The following ZFHX2 variants were observed in gnomAD, a reference collection of about 807,000 sequenced individuals.
The protein encoded by ZFHX2 is zinc finger homeobox protein 2.
In ZFHX2, 75 loss-of-function variants were observed where a neutral mutation model predicts 164.8. The ratio of observed to expected loss-of-function variants is 0.46; its 90% CI spans 0.38 to 0.55. ZFHX2 has a LOEUF of 0.55. ZFHX2 is among the 20% of genes least tolerant of loss of function. ZFHX2 has a pLI of 0.00. For missense variants in ZFHX2, 2,933 were observed against 3,308.0 expected, an observed-to-expected ratio of 0.89 and a Z score of 2.78; for synonymous variants, 1,217 against 1,351.4, an observed-to-expected ratio of 0.90 and a Z score of 2.18.
intron 1 of ZFHX2, among the ~76,000 whole-genome samples, chr14:23,537,658 G>T (rs1276562609): frequency 3.3e-5 from 5 of 152,180 alleles, no homozygotes; most frequent in Non-Finnish European, 7.4e-5. Flanking sequence ...GGTCGGGGGA[G>T]TTGGAGAACC....
At chr14:23,532,362 C>T (rs765700867) in intron 3 of ZFHX2, 9 of 584,218 alleles carry the variant, frequency 1.5e-5, no homozygotes, top group Non-Finnish European at 2.1e-5. Flanking sequence ...AAGTCTGTTT[C>T]ACTTGTCAGA....
At chr14:23,545,027 A>C (rs1881243215) in intron 1 of ZFHX2, among the ~76,000 whole-genome samples, 8 of 146,226 alleles carry the variant, frequency 5.5e-5, no homozygotes, top group South Asian at 2.2e-4. Context: ...TTCACTCATC[A>C]CCCTCCCTTT....
chr14:23,524,247 G>A lies in ZFHX2; in HGVS notation c.5695C>T (p.Arg1899Ter), dbSNP rs1423751570. The A allele has an allele frequency of 5.9e-6, 9 of 1,536,420 alleles. No homozygotes were observed. Among genetic ancestry groups the A allele is most frequent in the South Asian group, 1.2e-5 (1 of 84,068 alleles). ...CISEEVGLKK[R>*]VVQVWFQNTR... ...TTCTGGAACCAGACCTGTACCACTCGCTTTTTGAGCCCCACCTCCTCGGAG... is the reference window on the plus strand; with the variant it reads ...TTCTGGAACCAGACCTGTACCACTCACTTTTTGAGCCCCACCTCCTCGGAG... The change falls in exon 9 of 10, where the codon CGA becomes TGA. Residue 1899 changes from arginine (R) to a stop codon, truncating the protein, a stop_gained. Coordinates refer to ENST00000419474, the MANE Select transcript of ZFHX2 (RefSeq NM_033400.3). LOFTEE classifies it high-confidence loss of function. This position sits in a 1 kb window ranked among gnomAD's most constrained non-coding sequence, Gnocchi z 5.6.
rs938859339 is a variant in ZFHX2, at chr14:23,530,969, C to T, written c.2800+512G>A. On this transcript the variant is annotated intron_variant, in intron 4 of 9. Transcript: ENST00000419474. ...CTGTTCCCGGCCTCTGCTGGTACAA[C>T]CTCAGCTGCCTAAGGGTGACTCTAA... 4 of 170,982 alleles carry T rather than the reference C, an allele frequency of 2.3e-5. No homozygotes were observed. The South Asian group carries it at 4.5e-4, about 19-fold the overall frequency. The allele number at this position is 170,982 out of a possible 1,614,324, so 10.6% of individuals were successfully genotyped here. A position where few individuals can be genotyped will look rare whatever the true frequency, so the allele number is the denominator to read the frequency against.
chr14:23,539,545 A>G (rs1310194303), intron 1 of ZFHX2, among the ~76,000 whole-genome samples: 2 of 152,332 alleles, frequency 1.3e-5, no homozygotes, highest in Admixed American at 1.3e-4. Context: ...TAAGGACCGG[A>G]GAATTACAAG....
Position 23,523,660 on chromosome 14 carries a change from C to T in ZFHX2, c.6282G>A (p.Glu2094=), listed in dbSNP as rs1178925480. ...CAATCTCCTCTCCCAGCACCTCACA[C>T]TCCTGCATGGTGGGGGTGCGGTAAG... ...YEAYRTPTMQ[E]CEVLGEEIGL... Residue 2094 remains glutamate, a synonymous_variant, in exon 9 of 10, where the codon GAG becomes GAA. Transcript: ENST00000419474. This position sits in a 1 kb window ranked among gnomAD's most constrained non-coding sequence, Gnocchi z 4.1. 2 of 1,544,472 alleles carry T rather than the reference C, an allele frequency of 1.3e-6. No individual in the cohort carries two copies. The highest frequency in any genetic ancestry group is 4.8e-5 in the East Asian group (2 of 41,856).
chr14:23,521,807 G>C lies in ZFHX2; in HGVS notation c.*155C>G. Reference sequence around the variant, plus strand: ...GAGGCAGGACTCTGCTGGAAGTGGGGTGTGTGGTGCCCACTGAGGGTGGGA... The same window carrying C: ...GAGGCAGGACTCTGCTGGAAGTGGGCTGTGTGGTGCCCACTGAGGGTGGGA... On this transcript the variant is annotated 3_prime_UTR_variant, in exon 10 of 10. Coordinates refer to ENST00000419474, the MANE Select transcript of ZFHX2 (RefSeq NM_033400.3). 2.3e-6 allele frequency: 3 copies of C among 1,313,622 alleles called. No individual in the cohort carries two copies. The highest frequency in any genetic ancestry group is 3.1e-5 in the South Asian group (2 of 64,896). The allele number at this position is 1,313,622 out of a possible 1,614,324, so 81.4% of individuals were successfully genotyped here.
upstream of ZFHX2, among the ~76,000 whole-genome samples, chr14:23,554,673 T>A (rs1882213298): frequency 6.6e-6 from 1 of 151,068 alleles, no homozygotes; most frequent in Non-Finnish European, 1.5e-5. Context: ...CAAGTGTGAG[T>A]CAACACACCT....
chr14:23,530,001 C>A (rs1237160077), intron 5 of ZFHX2, 119 bp downstream of exon 5: 1 of 1,125,548 alleles, frequency 8.9e-7, no homozygotes, highest in Non-Finnish European at 1.3e-6. Context: ...CCTGATGAGC[C>A]CTTTCTTTAA....
chr14:23,530,393 G>A, intron 4 of ZFHX2, 199 bp from the exon 5 acceptor site: 1 of 693,996 alleles, frequency 1.4e-6, no homozygotes, highest in Non-Finnish European at 2.6e-6. Context: ...TATTAGAACT[G>A]GTAGGGCCTA....
Position 23,522,077 on chromosome 14 carries a change from G to A in ZFHX2, c.7604C>T (p.Thr2535Ile). Reference sequence around the variant, plus strand: ...AGCCGAGGCAGCAGTGGCGGCGTTGGTGATGGAGATGGGTGGGCCCCCTTG... The same window carrying A: ...AGCCGAGGCAGCAGTGGCGGCGTTGATGATGGAGATGGGTGGGCCCCCTTG... ...PPQGGPPISI[T>I]NAATAASAAV... The change falls in exon 10 of 10, where the codon ACC becomes ATC. Residue 2535 changes from threonine to isoleucine, a missense_variant. Physicochemically the swap from Thr to Ile is moderately conservative, Grantham distance 89. Coordinates refer to ENST00000419474, the MANE Select transcript of ZFHX2 (RefSeq NM_033400.3). The A allele has an allele frequency of 6.5e-7, 1 of 1,536,308 alleles. No homozygotes were observed. Among genetic ancestry groups the A allele is most frequent in the South Asian group, 1.2e-5 (1 of 84,066 alleles).
rs1432126704 is a variant in ZFHX2 at position 23,535,148 on chromosome 14, G to A, written c.178C>T (p.Leu60Phe). 2 of 1,536,052 alleles carry A rather than the reference G, an allele frequency of 1.3e-6. No homozygotes were observed. The highest frequency in any genetic ancestry group is 3.9e-5 in the Admixed American group (2 of 51,004). Residue 60 changes from leucine (L) to phenylalanine (F), a missense_variant, in exon 2 of 10, where the codon CTC becomes TTC. Coordinates refer to ENST00000419474, the MANE Select transcript of ZFHX2 (RefSeq NM_033400.3). The surrounding 1 kb of genome is among the most constrained non-coding windows in gnomAD (Gnocchi z 4.5). ...ACGAGGCCACAGCCCGACTCCAGGA[G>A]CTGTCCCCCTGGCTCTGAGGACCTC... Reference protein sequence around the residue: ...NMRSSEPGGQLLESGCGLVPP... With the variant: ...NMRSSEPGGQFLESGCGLVPP...
intron 1 of ZFHX2, among the ~76,000 whole-genome samples, chr14:23,545,285 C>T (rs1271482342): frequency 6.6e-6 from 1 of 152,230 alleles, no homozygotes; most frequent in East Asian, 1.9e-4. Flanking sequence ...AGGACTGACA[C>T]GCAGGCCGAG....
At position 23,526,833 on chromosome 14, in the gene ZFHX2, G is replaced by A. The variant is rs767546173; in HGVS notation, c.3262+14C>T. The A allele has an allele frequency of 2.6e-6, 4 of 1,525,840 alleles. No homozygotes were observed. The East Asian group carries it at 7.3e-5, about 28-fold the overall frequency. 94.5% of individuals were successfully genotyped at this position (1,525,840 alleles called of 1,614,324 possible). A position where few individuals can be genotyped will look rare whatever the true frequency, so the allele number is the denominator to read the frequency against. On this transcript the variant is annotated intron_variant, in intron 8 of 9. Coordinates refer to ENST00000419474, the MANE Select transcript of ZFHX2 (RefSeq NM_033400.3). ...TTCCTGGTACCTTGGGAGGTTTGCT[G>A]TTCCATTCCTTACCTGCTGCCTGGT...
At position 23,523,094 on chromosome 14, in the gene ZFHX2, G is replaced by T; in HGVS notation, c.6739+109C>A. ...TTTCCCCCAAGAGCCTGATGCAAAG[G>T]AAGGCCACAGGAGATTGGGCATGGG... is the stretch of plus-strand genomic sequence containing the variant. On this transcript the variant is annotated intron_variant, in intron 9 of 9. Transcript: ENST00000419474. The surrounding 1 kb of genome is among the most constrained non-coding windows in gnomAD (Gnocchi z 4.1). 7.1e-7 allele frequency: 1 copy of T among 1,400,804 alleles called. No individual in the cohort carries two copies. The highest frequency in any genetic ancestry group is 9.2e-7 in the Non-Finnish European group (1 of 1,082,346). The allele number at this position is 1,400,804 out of a possible 1,614,324, so 86.8% of individuals were successfully genotyped here. A position where few individuals can be genotyped will look rare whatever the true frequency, so the allele number is the denominator to read the frequency against.
At chr14:23,537,400 T>G (rs975522254) in intron 1 of ZFHX2, among the ~76,000 whole-genome samples, 1 of 152,060 alleles carries the variant, frequency 6.6e-6, no homozygotes, top group Non-Finnish European at 1.5e-5. Flanking sequence ...GAGTGCTTCG[T>G]GTAAGGGGCG....
rs1881409138 is a variant in ZFHX2 at position 23,546,591 on chromosome 14, C to T, written c.-50+4752G>A. ...ACGGGGCTGGAAGTTACTTCTAAATCTTTCACCCCTGCCTTGCCAGCCTGG... is the reference window on the plus strand; with the variant it reads ...ACGGGGCTGGAAGTTACTTCTAAATTTTTCACCCCTGCCTTGCCAGCCTGG... On this transcript the variant is annotated intron_variant, in intron 1 of 9. Coordinates refer to ENST00000419474, the MANE Select transcript of ZFHX2 (RefSeq NM_033400.3). The surrounding 1 kb of genome is among the most constrained non-coding windows in gnomAD (Gnocchi z 4.7). Among the ~76,000 whole-genome samples, 1 of 152,086 alleles carries T rather than the reference C, an allele frequency of 6.6e-6. No individual in the cohort carries two copies. The highest frequency in any genetic ancestry group is 2.4e-5 in the African/African-American group (1 of 41,416).
At position 23,523,998 on chromosome 14, in the gene ZFHX2, G is replaced by T. The variant is rs1300007647; in HGVS notation, c.5944C>A (p.Pro1982Thr). The T allele has an allele frequency of 1.3e-6, 2 of 1,523,152 alleles. No individual in the cohort carries two copies. The highest frequency in any genetic ancestry group is 2.4e-5 in the South Asian group (2 of 82,512). 94.4% of individuals were successfully genotyped at this position (1,523,152 alleles called of 1,614,324 possible). ...GGGGTGGTGGCCTCTTTCCCAGGTG[G>T]TAGGAAAGGCTGGGGCCCAGAAGCA... ...TLASGPQPFL[P>T]PGKEATTPTP... Residue 1982 changes from proline (P) to threonine (T), a missense_variant, in exon 9 of 10, where the codon CCA (proline) becomes ACA (threonine). Pro to Thr is a conservative substitution (Grantham distance 38). Transcript: ENST00000419474. The surrounding 1 kb of genome is among the most constrained non-coding windows in gnomAD (Gnocchi z 4.1).
rs1881434947 is a variant in ZFHX2 at position 23,546,807 on chromosome 14, A to G, written c.-50+4536T>C. Reference sequence around the variant, plus strand: ...GACAGCCTGTCGCTTGCTGCAAAATATGAGCTGCCCAACTCCGTGGCGGTG... The same window carrying G: ...GACAGCCTGTCGCTTGCTGCAAAATGTGAGCTGCCCAACTCCGTGGCGGTG... On this transcript the variant is annotated intron_variant, in intron 1 of 9. Transcript: ENST00000419474. The surrounding 1 kb of genome is among the most constrained non-coding windows in gnomAD (Gnocchi z 4.7). Among the ~76,000 whole-genome samples, 1 of 152,160 alleles carries G rather than the reference A, an allele frequency of 6.6e-6. No individual in the cohort carries two copies. Among genetic ancestry groups the G allele is most frequent in the Admixed American group, 6.5e-5 (1 of 15,278 alleles).
Sources: gnomAD v4.1 joint callset for allele counts (sites outside exome capture counted in the v4.1 genomes callset) on GRCh38, gnomAD v4.1.1 for gene constraint, Gnocchi (gnomAD v3.1) non-coding constraint, MANE v1.5 for transcripts, NCBI Gene and HGNC (gene_info 2026-07-23, HGNC 2026-07-21) for gene names.